The following UGT1A4 variants were observed in gnomAD, a reference collection of about 807,000 sequenced individuals.
UGT1A4 encodes UDP-glucuronosyltransferase 1A4.
Under a neutral mutation model 41.1 loss-of-function variants are expected in UGT1A4, and 32 were observed. That is an observed-to-expected ratio of 0.78 (90% CI 0.59 to 1.05). The LOEUF (loss-of-function observed/expected upper bound fraction) is 1.05. UGT1A4 is among the 50% of genes least tolerant of loss of function. UGT1A4 has a pLI of 0.00. For missense variants in UGT1A4, 748 were observed against 677.4 expected (o/e 1.10, Z -1.16); for synonymous variants, 283 against 265.1 (o/e 1.07, Z -0.66).
In UGT1A4 at chr2:233,755,096, G is replaced by C. The variant is rs62191920; in HGVS notation, c.868-11938G>C. 1.4e-3 allele frequency: 1,898 copies of C among 1,334,450 alleles called. 9 individuals are homozygous for C. The highest frequency in any genetic ancestry group is 1.7e-3 in the Non-Finnish European group (1,703 of 992,024). 82.7% of individuals were successfully genotyped at this position (1,334,450 alleles called of 1,614,324 possible). A position where few individuals can be genotyped will look rare whatever the true frequency, so the allele number is the denominator to read the frequency against. ...GGTCATAGATATCGCGTTTCTACGC[G>C]TCCGACAACACCTCGTAGGCCTCAG... On this transcript the variant is annotated intron_variant, in intron 1 of 4. Transcript: ENST00000373409.
chr2:233,753,284 A>G (rs1327448691), intron 1 of UGT1A4: 1 of 152,242 alleles, frequency 6.6e-6, no homozygotes, highest in African/African-American at 2.4e-5. Context: ...TTGATTTCAG[A>G]GTTCAGTGTG....
intron 1 of UGT1A4, among the ~76,000 whole-genome samples, chr2:233,749,553 T>C (rs1486611363): frequency 6.6e-6 from 1 of 151,880 alleles, no homozygotes; most frequent in Non-Finnish European, 1.5e-5. Context: ...AACAGGCTAA[T>C]GTATTCAATA....
chr2:233,767,249 T>C, intron 2 of UGT1A4, 84 bp downstream of exon 2: 1 of 1,600,756 alleles, frequency 6.2e-7, no homozygotes, highest in Non-Finnish European at 8.5e-7. Context: ...TTAATTCTCT[T>C]AATTGGAACC....
intron 1 of UGT1A4, chr2:233,761,057 G>A: frequency 6.2e-7 from 1 of 1,614,206 alleles, no homozygotes. Flanking sequence ...TGGCTGTTTA[G>A]AAGTGACTTT....
chr2:233,742,429 C>T (rs1691973913), intron 1 of UGT1A4, among the ~76,000 whole-genome samples: 1 of 151,970 alleles, frequency 6.6e-6, no homozygotes, highest in Non-Finnish European at 1.5e-5. Flanking sequence ...AGCGGTTTTC[C>T]TCCCTGGGTG....
rs182305779 is a variant in UGT1A4, at chr2:233,734,566, T to G, written c.867+14879T>G. ...CTTCCCTTCTGCTAGCTTTTGAATT[T>G]GTTTGCTCTTGCTTATCTAGTTCTT... is the stretch of plus-strand genomic sequence containing the variant. On this transcript the variant is annotated intron_variant, in intron 1 of 4. Transcript: ENST00000373409. Among the ~76,000 whole-genome samples, 19 of 152,196 alleles carry G rather than the reference T, an allele frequency of 1.2e-4. 1 individual carries two copies. Among genetic ancestry groups the G allele is most frequent in the Admixed American group, 1.2e-3 (19 of 15,288 alleles).
intron 1 of UGT1A4, among the ~76,000 whole-genome samples, chr2:233,753,929 G>A (rs147100101): frequency 1.3e-5 from 2 of 152,234 alleles, no homozygotes; most frequent in African/African-American, 4.8e-5. Context: ...CAGTGATATG[G>A]GATTCAAATG....
In UGT1A4 at chr2:233,760,331, T is replaced by G. The variant is rs111033541; in HGVS notation, c.868-6703T>G. ...GGCGGACGCCCACTTGTCCTGGGCCTGCTGCTGTGTGTGCTGGGCCCAGTG... is the reference window on the plus strand; with the variant it reads ...GGCGGACGCCCACTTGTCCTGGGCCGGCTGCTGTGTGTGCTGGGCCCAGTG... On this transcript the variant is annotated intron_variant, in intron 1 of 4. Transcript: ENST00000373409. 1.9e-6 allele frequency: 3 copies of G among 1,614,080 alleles called. No individual in the cohort carries two copies. Among genetic ancestry groups the G allele is most frequent in the Non-Finnish European group, 2.5e-6 (3 of 1,179,954 alleles).
At chr2:233,762,313 T>A (rs1035982374) in intron 1 of UGT1A4, among the ~76,000 whole-genome samples, 5 of 152,234 alleles carry the variant, frequency 3.3e-5, no homozygotes, top group Admixed American at 3.3e-4. Context: ...AGTTAATGGG[T>A]CGAGAGTAAT....
chr2:233,746,292 T>G (rs1467631519), intron 1 of UGT1A4, among the ~76,000 whole-genome samples: 3 of 151,662 alleles, frequency 2.0e-5, no homozygotes, highest in Non-Finnish European at 4.4e-5. Flanking sequence ...GAAGGTGGCT[T>G]TGTTTCCCTT....
At chr2:233,743,580 C>T (rs1377073083) in intron 1 of UGT1A4, 3 of 1,367,180 alleles carry the variant, frequency 2.2e-6, no homozygotes, top group Non-Finnish European at 2.9e-6. Context: ...CCCAAGAGGT[C>T]AAAGGAGAAT....
intron 1 of UGT1A4, 149 bp downstream of exon 1, chr2:233,719,836 T>G: frequency 6.5e-7 from 1 of 1,539,550 alleles, no homozygotes; most frequent in Non-Finnish European, 8.7e-7. Context: ...AGGGGCCTAG[T>G]GTATTTCAAG....
At position 233,772,539 on chromosome 2, in the gene UGT1A4, C is replaced by T; in HGVS notation, c.1585C>T (p.His529Tyr). 1.9e-6 allele frequency: 3 copies of T among 1,614,040 alleles called. No homozygotes were observed. The East Asian group carries it at 6.7e-5, about 36-fold the overall frequency. The change falls in exon 5 of 5, where the codon CAC becomes TAC. Residue 529 changes from histidine to tyrosine, a missense_variant. His to Tyr is a moderately conservative substitution (Grantham distance 83). Transcript: ENST00000373409. Reference protein sequence around the residue: ...LGKKGRVKKAHKSKTH With the variant: ...LGKKGRVKKAYKSKTH ...GAAAAAAGGGCGAGTTAAGAAAGCC[C>T]ACAAATCCAAGACCCATTGAGAAGT...
intron 1 of UGT1A4, chr2:233,747,077 TAGG>T: frequency 9.2e-7 from 1 of 1,083,878 alleles, no homozygotes; most frequent in South Asian, 1.6e-5. Context: ...AATAATTAAC[TAGG>T]AGGAGAGCAC....
intron 1 of UGT1A4, among the ~76,000 whole-genome samples, chr2:233,732,493 G>T (rs141356640): frequency 1.3e-5 from 2 of 152,178 alleles, no homozygotes; most frequent in Admixed American, 6.5e-5. Flanking sequence ...TGTATAAGGC[G>T]TAAGGAAGGG....
At chr2:233,735,857 T>C (rs1229821549) in intron 1 of UGT1A4, among the ~76,000 whole-genome samples, 2 of 151,884 alleles carry the variant, frequency 1.3e-5, no homozygotes, top group African/African-American at 4.8e-5. Flanking sequence ...TTCTGTCTTG[T>C]AGGGTTTCTG....
In UGT1A4 at chr2:233,769,534, G is replaced by C. The variant is rs752305202; in HGVS notation, c.1307+1095G>C. ...CTCCCATGGTTACCTCCTTTAGAAA[G>C]AAGCAGCAGTCAGGAAGACAGATGT... is the stretch of plus-strand genomic sequence containing the variant. On this transcript the variant is annotated intron_variant, in intron 4 of 4. Transcript: ENST00000373409. The surrounding 1 kb of genome is among the most constrained non-coding windows in gnomAD (Gnocchi z 4.4). 6.2e-7 allele frequency: 1 copy of C among 1,612,926 alleles called. No individual in the cohort carries two copies. Among genetic ancestry groups the C allele is most frequent in the South Asian group, 1.1e-5 (1 of 91,080 alleles).
rs879204025 is a variant in UGT1A4, at chr2:233,769,857, C to CAA, written c.1307+1434_1307+1435dup. On this transcript the variant is annotated intron_variant, in intron 4 of 4. Transcript: ENST00000373409. This position sits in a 1 kb window ranked among gnomAD's most constrained non-coding sequence, Gnocchi z 4.4. The stretch of plus-strand genomic sequence containing the variant: ...TGGGCAACAGAGTGAGACCCTGTCT[C>CAA]AAAAAAAAAAAAAAAAATGAAAAGT... The CAA allele has an allele frequency of 9.9e-3, 2,209 of 224,054 alleles. 3 individuals are homozygous for CAA. The highest frequency in any genetic ancestry group is 0.012 in the South Asian group (106 of 9,094). The allele number at this position is 224,054 out of a possible 1,614,324, so 13.9% of individuals were successfully genotyped here.
In UGT1A4 at chr2:233,768,134, C is replaced by T. The variant is rs558476019; in HGVS notation, c.1088-86C>T. The T allele has an allele frequency of 1.1e-4, 173 of 1,608,048 alleles. No homozygotes were observed. The African/African-American group carries it at 2.2e-3, about 21-fold the overall frequency. Reference sequence around the variant, plus strand: ...CAAGGGCATGTGAGTAACACTGAGTCTTTGGAGTGTTTTCAGAACCTAGAT... The same window carrying T: ...CAAGGGCATGTGAGTAACACTGAGTTTTTGGAGTGTTTTCAGAACCTAGAT... On this transcript the variant is annotated intron_variant, in intron 3 of 4. Transcript: ENST00000373409.
Sources: allele counts gnomAD v4.1 joint callset (sites outside exome capture counted in the v4.1 genomes callset), GRCh38; gene constraint gnomAD v4.1.1; non-coding constraint Gnocchi (gnomAD v3.1); transcripts MANE v1.5; gene names NCBI Gene and HGNC (gene_info 2026-07-23, HGNC 2026-07-21).